The following SLC25A21 variants were observed in gnomAD, a reference collection of about 807,000 sequenced individuals.
The protein encoded by SLC25A21 is solute carrier family 25 member 21, also known as mitochondrial 2-oxodicarboxylate carrier.
In SLC25A21, 47 loss-of-function variants were observed where a neutral mutation model predicts 43.8. That is an observed-to-expected ratio of 1.07 (90% CI 0.85 to 1.37). SLC25A21 has a LOEUF of 1.37. Among genes scored for constraint, SLC25A21 ranks in the 40% most tolerant of loss-of-function variants. The pLI is 0.00. For missense variants in SLC25A21, 352 were observed against 350.2 expected (o/e 1.00, Z -0.04); for synonymous variants, 131 against 121.3 (o/e 1.08, Z -0.52).
intron 2 of SLC25A21, among the ~76,000 whole-genome samples, chr14:36,836,202 G>A (rs1352799626): frequency 6.6e-6 from 1 of 152,168 alleles, no homozygotes; most frequent in East Asian, 1.9e-4. Flanking sequence ...GCTATTGAGT[G>A]GCCAAACTGC....
At chr14:36,766,779 C>G (rs1886432331) in intron 3 of SLC25A21, among the ~76,000 whole-genome samples, 1 of 152,146 alleles carries the variant, frequency 6.6e-6, no homozygotes, top group South Asian at 2.1e-4. Flanking sequence ...ACTCCAGGGT[C>G]TGTCACTTAC....
chr14:37,164,753 A>G (rs1964003805), intron 1 of SLC25A21, among the ~76,000 whole-genome samples: 1 of 152,216 alleles, frequency 6.6e-6, no homozygotes, highest in Admixed American at 6.5e-5. Context: ...TCTTTTTATT[A>G]GCCTTTTCAG....
At chr14:36,945,635 C>A in intron 1 of SLC25A21, among the ~76,000 whole-genome samples, 1 of 152,066 alleles carries the variant, frequency 6.6e-6, no homozygotes, top group Admixed American at 6.6e-5. Flanking sequence ...TGTGCAATTC[C>A]ACTTATATAT....
intron 1 of SLC25A21, among the ~76,000 whole-genome samples, chr14:37,015,165 A>G (rs185387807): frequency 2.0e-5 from 3 of 148,708 alleles, no homozygotes; most frequent in Non-Finnish European, 3.0e-5. Flanking sequence ...AGCATTAGGT[A>G]TATCTCCTAA....
chr14:37,113,088 T>A (rs1308532606), intron 1 of SLC25A21, among the ~76,000 whole-genome samples: 1 of 152,160 alleles, frequency 6.6e-6, no homozygotes, highest in Admixed American at 6.5e-5. Flanking sequence ...GAGAGCTTCG[T>A]AAAATGATTC....
intron 3 of SLC25A21, among the ~76,000 whole-genome samples, chr14:36,808,169 A>C (rs1196179345): frequency 6.6e-6 from 1 of 152,196 alleles, no homozygotes; most frequent in East Asian, 1.9e-4. Context: ...CATGTTTCTC[A>C]TTTGAAGCTA....
chr14:36,741,415 G>GA (rs1219833162), intron 3 of SLC25A21, among the ~76,000 whole-genome samples: 6 of 152,142 alleles, frequency 3.9e-5, no homozygotes, highest in Non-Finnish European at 7.4e-5. Flanking sequence ...ACATTAAAGA[G>GA]AAAATGCATA....
chr14:37,012,139 T>C (rs1160870761), intron 1 of SLC25A21, among the ~76,000 whole-genome samples: 2 of 152,144 alleles, frequency 1.3e-5, no homozygotes, highest in African/African-American at 4.8e-5. Context: ...TTAATACCTG[T>C]CAGGACTTTG....
intron 1 of SLC25A21, among the ~76,000 whole-genome samples, chr14:36,897,415 G>A (rs1891274634): frequency 6.6e-6 from 1 of 152,010 alleles, no homozygotes; most frequent in Admixed American, 6.5e-5. Flanking sequence ...CTCTGCATTG[G>A]TTATTCTAGT....
chr14:36,927,554 T>C (rs773631803), intron 1 of SLC25A21, among the ~76,000 whole-genome samples: 1 of 152,154 alleles, frequency 6.6e-6, no homozygotes. Context: ...GCATTTCCCA[T>C]GGGAATCTGT....
At chr14:37,018,532 G>C (rs561978173) in intron 1 of SLC25A21, among the ~76,000 whole-genome samples, 1 of 151,878 alleles carries the variant, frequency 6.6e-6, no homozygotes, top group Admixed American at 6.6e-5. Context: ...CTCCTCTTTC[G>C]TATTCCCTAT....
At chr14:36,926,355 AG>A (rs1397912230) in intron 1 of SLC25A21, among the ~76,000 whole-genome samples, 1 of 152,174 alleles carries the variant, frequency 6.6e-6, no homozygotes, top group Non-Finnish European at 1.5e-5. Context: ...ACCTTGGACT[AG>A]GCAACAATTC....
chr14:37,089,338 T>C (rs1962541509), intron 1 of SLC25A21, among the ~76,000 whole-genome samples: 1 of 152,144 alleles, frequency 6.6e-6, no homozygotes, highest in Admixed American at 6.5e-5. Context: ...CCTTCCTACC[T>C]AGGGGAAGTG....
chr14:37,132,205 G>A (rs551838090), intron 1 of SLC25A21, among the ~76,000 whole-genome samples: 2 of 152,234 alleles, frequency 1.3e-5, no homozygotes, highest in Admixed American at 1.3e-4. Flanking sequence ...CATTCATGAG[G>A]GTCTTGCCTC....
At chr14:36,980,627 C>T (rs1281368261) in intron 1 of SLC25A21, among the ~76,000 whole-genome samples, 1 of 152,174 alleles carries the variant, frequency 6.6e-6, no homozygotes, top group African/African-American at 2.4e-5. Flanking sequence ...ATGCTGTTTA[C>T]TCTAGTTAGC....
intron 1 of SLC25A21, among the ~76,000 whole-genome samples, chr14:36,886,773 T>C (rs1419512204): frequency 6.6e-6 from 1 of 152,200 alleles, no homozygotes; most frequent in Non-Finnish European, 1.5e-5. Context: ...CAATTTCAGC[T>C]CAATATAATG....
chr14:37,171,305 A>G (rs1027127657), intron 1 of SLC25A21, among the ~76,000 whole-genome samples: 5 of 152,224 alleles, frequency 3.3e-5, no homozygotes, highest in African/African-American at 1.2e-4. Flanking sequence ...AATGATAACC[A>G]GTCATAATTT....
At chr14:37,117,877 T>G (rs906982516) in intron 1 of SLC25A21, among the ~76,000 whole-genome samples, 57 of 152,244 alleles carry the variant, frequency 3.7e-4, no homozygotes, top group South Asian at 2.1e-3. Context: ...TGTTTTTTTT[T>G]TTTGTCATTT....
At position 36,679,548 on chromosome 14, in the gene SLC25A21, G is replaced by A. The variant is rs1050750107; in HGVS notation, c.*1110C>T. 8 of 985,216 alleles carry A rather than the reference G, an allele frequency of 8.1e-6. No homozygotes were observed. In the African/African-American group the frequency reaches 1.4e-4, roughly 17 times the overall value. 61.0% of individuals were successfully genotyped at this position (985,216 alleles called of 1,614,324 possible). ...CAAGTTTGGTTACATCAAGACCAAG[G>A]AGATATTTTTGTTGATACATGTTAG... On this transcript the variant is annotated 3_prime_UTR_variant, in exon 10 of 10. Transcript: ENST00000331299.
Sources: allele counts gnomAD v4.1 joint callset (sites outside exome capture counted in the v4.1 genomes callset), GRCh38; gene constraint gnomAD v4.1.1; transcripts MANE v1.5; gene names NCBI Gene and HGNC (gene_info 2026-07-23, HGNC 2026-07-21).